ITGB3BP: variants seen among roughly 807,000 people sequenced by gnomAD.
ITGB3BP encodes the protein centromere protein R.
Under a neutral mutation model 29.1 loss-of-function variants are expected in ITGB3BP, and 27 were observed. The observed-to-expected ratio is 0.93, with a 90% CI of 0.68 to 1.28. ITGB3BP has a LOEUF of 1.28. Among genes scored for constraint, ITGB3BP ranks in the 50% most tolerant of loss-of-function variants. The pLI, the probability that ITGB3BP is intolerant of heterozygous loss-of-function variation, is 0.00. For missense variants in ITGB3BP, 192 were observed against 200.2 expected (o/e 0.96, Z 0.25); for synonymous variants, 61 against 61.4 (o/e 0.99, Z 0.03).
At chr1:63,521,147 C>T (rs114634355) in intron 1 of ITGB3BP, among the ~76,000 whole-genome samples, 1,916 of 152,112 alleles carry the variant, frequency 0.013, 41 homozygotes, top group African/African-American at 0.044. Flanking sequence ...CTTCCAAATA[C>T]ATACCAAATA....
At chr1:63,472,806 G>C (rs1018606107) in intron 4 of ITGB3BP, among the ~76,000 whole-genome samples, 1 of 151,768 alleles carries the variant, frequency 6.6e-6, no homozygotes, top group African/African-American at 2.4e-5. Flanking sequence ...GAGTGCAGTG[G>C]CGTGATCTCG....
intron 2 of ITGB3BP, among the ~76,000 whole-genome samples, chr1:63,498,267 T>G (rs1378268991): frequency 6.6e-6 from 1 of 152,126 alleles, no homozygotes; most frequent in African/African-American, 2.4e-5. Flanking sequence ...TCTTCTCAAG[T>G]GCACATAAAA....
At chr1:63,507,901 G>A (rs1646116300) in intron 2 of ITGB3BP, among the ~76,000 whole-genome samples, 1 of 152,084 alleles carries the variant, frequency 6.6e-6, no homozygotes, top group Non-Finnish European at 1.5e-5. Context: ...AAGTATCTCA[G>A]TATTAGTGTT....
intron 1 of ITGB3BP, among the ~76,000 whole-genome samples, chr1:63,521,910 G>C (rs1646458357): frequency 6.6e-6 from 1 of 152,160 alleles, no homozygotes; most frequent in South Asian, 2.1e-4. Flanking sequence ...TGTATTCTTA[G>C]GGATTTTGTG....
intron 4 of ITGB3BP, 63 bp from the exon 5 acceptor site, chr1:63,455,031 T>C: frequency 1.2e-6 from 1 of 810,364 alleles, no homozygotes; most frequent in South Asian, 1.5e-5. Flanking sequence ...CAAATCATTT[T>C]CAGAGCTTTA....
At chr1:63,528,667 A>G (rs988204446) in intron 2 of ITGB3BP, among the ~76,000 whole-genome samples, 1 of 152,152 alleles carries the variant, frequency 6.6e-6, no homozygotes, top group Non-Finnish European at 1.5e-5. Context: ...AAAATCTCAT[A>G]TTATACACCT....
At chr1:63,492,187 CTCTGTGTG>C (rs1291440435) in intron 2 of ITGB3BP, among the ~76,000 whole-genome samples, 1 of 69,118 alleles carries the variant, frequency 1.4e-5, no homozygotes, top group African/African-American at 5.5e-5. Context: ...TGTGCATGTG[CTCTGTGTG>C]TGTGTGTGTG....
At chr1:63,446,241 A>ATT (rs879770713) in intron 8 of ITGB3BP, among the ~76,000 whole-genome samples, 26 of 152,152 alleles carry the variant, frequency 1.7e-4, no homozygotes, top group Non-Finnish European at 2.8e-4. Context: ...AGGTATACTA[A>ATT]ACACTAATAT....
intron 2 of ITGB3BP, 47 bp downstream of exon 2, chr1:63,508,481 T>C (rs1646127882): frequency 2.3e-6 from 2 of 887,074 alleles, no homozygotes; most frequent in Non-Finnish European, 1.7e-6. Context: ...AGTTAAAAAC[T>C]GAAAACACAA....
intron 1 of ITGB3BP, among the ~76,000 whole-genome samples, chr1:63,515,560 G>T (rs1443570246): frequency 6.6e-6 from 1 of 151,960 alleles, no homozygotes; most frequent in Non-Finnish European, 1.5e-5. Context: ...AGGCACGATG[G>T]TTCACGCCTG....
intron 4 of ITGB3BP, among the ~76,000 whole-genome samples, chr1:63,467,415 T>C (rs535332455): frequency 2.0e-5 from 3 of 151,392 alleles, no homozygotes; most frequent in Non-Finnish European, 4.4e-5. Flanking sequence ...ATTGGCATGA[T>C]CACCACTCAC....
chr1:63,481,869 G>A (rs1406007280), intron 3 of ITGB3BP, among the ~76,000 whole-genome samples: 1 of 152,190 alleles, frequency 6.6e-6, no homozygotes, highest in African/African-American at 2.4e-5. Context: ...GAAAATAGAA[G>A]TACAGAATGG....
chr1:63,455,441 CT>C (rs1025421133), intron 4 of ITGB3BP, among the ~76,000 whole-genome samples: 8 of 151,096 alleles, frequency 5.3e-5, no homozygotes, highest in Non-Finnish European at 1.0e-4. Context: ...TGTTATCATA[CT>C]TTTTTTTTCC....
chr1:63,452,472 C>T (rs532926232), intron 7 of ITGB3BP, among the ~76,000 whole-genome samples: 4 of 152,202 alleles, frequency 2.6e-5, no homozygotes, highest in African/African-American at 9.6e-5. Context: ...CCACTGAAAC[C>T]CAGTTACACA....
chr1:63,496,743 C>T (rs1271502625), intron 2 of ITGB3BP, among the ~76,000 whole-genome samples: 1 of 152,186 alleles, frequency 6.6e-6, no homozygotes, highest in Non-Finnish European at 1.5e-5. Context: ...CTTAAAGCTC[C>T]TCCAGCTTGA....
intron 8 of ITGB3BP, among the ~76,000 whole-genome samples, chr1:63,444,601 A>ATATAGGAG (rs1491134986): frequency 3.6e-5 from 4 of 109,760 alleles, no homozygotes; most frequent in African/African-American, 1.2e-4. Context: ...CTCCTATTAC[A>ATATAGGAG]ATATATATAT....
intron 3 of ITGB3BP, among the ~76,000 whole-genome samples, chr1:63,482,560 C>T (rs1645457459): frequency 1.3e-5 from 2 of 151,600 alleles, no homozygotes; most frequent in Non-Finnish European, 2.9e-5. Context: ...TACAGTCCTG[C>T]TATTCTTTTA....
chr1:63,483,961 A>G (rs1196405702), intron 3 of ITGB3BP, among the ~76,000 whole-genome samples: 1 of 152,186 alleles, frequency 6.6e-6, no homozygotes, highest in Admixed American at 6.5e-5. Flanking sequence ...TACAATGACA[A>G]AATCACCAAA....
intron 2 of ITGB3BP, among the ~76,000 whole-genome samples, chr1:63,506,048 A>G (rs1240177498): frequency 6.6e-6 from 1 of 152,128 alleles, no homozygotes; most frequent in Admixed American, 6.5e-5. Flanking sequence ...TGCAGAACTG[A>G]GTTCAATTCC....
Sources: gnomAD v4.1 joint callset for allele counts (sites outside exome capture counted in the v4.1 genomes callset) on GRCh38, gnomAD v4.1.1 for gene constraint, MANE v1.5 for transcripts, NCBI Gene and HGNC (gene_info 2026-07-23, HGNC 2026-07-21) for gene names.